Variants in FAM184A observed in about 807,000 individuals in gnomAD.
FAM184A encodes the protein family with sequence similarity 184 member A.
Under a neutral mutation model 143.8 loss-of-function variants are expected in FAM184A, and 99 were observed. That is an observed-to-expected ratio of 0.69 (90% CI 0.58 to 0.81). FAM184A has a LOEUF of 0.81. Among genes scored for constraint, FAM184A ranks in the 40% least tolerant of loss-of-function variants. FAM184A has a pLI of 0.00. For synonymous variants in FAM184A, 427 were observed against 446.4 expected (o/e 0.96, Z 0.55); for missense variants, 1,217 against 1,310.5 (o/e 0.93, Z 1.10).
At chr6:118,979,725 A>T (rs1783961649) in intron 10 of FAM184A, among the ~76,000 whole-genome samples, 1 of 152,164 alleles carries the variant, frequency 6.6e-6, no homozygotes, top group African/African-American at 2.4e-5. Flanking sequence ...TCATGAAACC[A>T]ATTTGATTCA....
chr6:118,964,717 T>C lies in FAM184A; in HGVS notation c.3088A>G (p.Lys1030Glu), dbSNP rs759566937. 1.9e-5 allele frequency: 31 copies of C among 1,610,404 alleles called. No individual in the cohort carries two copies. The highest frequency in any genetic ancestry group is 2.5e-5 in the Non-Finnish European group (29 of 1,177,520). Residue 1030 changes from lysine (K) to glutamate (E), a missense_variant, in exon 16 of 18, where the codon AAA becomes GAA. Physicochemically the swap from Lys to Glu is moderately conservative, Grantham distance 56. Transcript: ENST00000338891. ...ACAGTAGGACTTGAGTTAAACACTT[T>C]GTTGAAGTTAGTTTCTCGATTGACT... ...ELVNRETNFNKVFNSSPTVGV... is the reference protein window; with the variant it reads ...ELVNRETNFNEVFNSSPTVGV...
chr6:119,054,392 G>C (rs74613221), intron 1 of FAM184A, among the ~76,000 whole-genome samples: 2,910 of 152,294 alleles, frequency 0.019, 84 homozygotes, highest in African/African-American at 0.066. Context: ...ATCATCAGCA[G>C]ACTGGGTGGC....
At chr6:119,082,509 G>T (rs1272541409), upstream of FAM184A, among the ~76,000 whole-genome samples, 4 of 152,232 alleles carry the variant, frequency 2.6e-5, no homozygotes. Flanking sequence ...ATACAATGGG[G>T]GTTCAGGCAT....
intron 1 of FAM184A, among the ~76,000 whole-genome samples, chr6:119,032,668 G>A (rs1785935505): frequency 1.3e-5 from 2 of 151,650 alleles, no homozygotes; most frequent in Admixed American, 1.3e-4. Context: ...GGAGCAGGGA[G>A]GTGGAAAGGG....
In FAM184A at chr6:118,966,824, A is replaced by G. The variant is rs1333513899; in HGVS notation, c.3033+11T>C. ...TACTAACATGGTTAGACTAAAACCA[A>G]AATATCTTACAATTAGTTTCTTTAT... On this transcript the variant is annotated intron_variant, in intron 15 of 17. Transcript: ENST00000338891. The G allele has an allele frequency of 2.1e-6, 3 of 1,454,796 alleles. No individual in the cohort carries two copies. Among genetic ancestry groups the G allele is most frequent in the Middle Eastern group, 1.8e-4 (1 of 5,658 alleles). The allele number at this position is 1,454,796 out of a possible 1,614,324, so 90.1% of individuals were successfully genotyped here.
At chr6:119,084,956 C>A (rs1235478148) in intron 1 of FAM184A, among the ~76,000 whole-genome samples, 1 of 152,226 alleles carries the variant, frequency 6.6e-6, no homozygotes, top group Non-Finnish European at 1.5e-5. Flanking sequence ...CTGCACAGGG[C>A]AGCAGGGTCC....
intron 5 of FAM184A, among the ~76,000 whole-genome samples, 185 bp downstream of exon 5, chr6:119,016,562 G>A (rs906866630): frequency 8.6e-5 from 13 of 151,530 alleles, no homozygotes; most frequent in African/African-American, 2.2e-4. Context: ...AAGAAACTCC[G>A]AACACATCTG....
chr6:119,064,385 G>A (rs1787367222), intron 1 of FAM184A, among the ~76,000 whole-genome samples: 1 of 152,170 alleles, frequency 6.6e-6, no homozygotes, highest in South Asian at 2.1e-4. Flanking sequence ...GGACTGCATA[G>A]GACTTTCAGA....
intron 9 of FAM184A, among the ~76,000 whole-genome samples, chr6:118,992,521 G>A (rs764400131): frequency 4.6e-5 from 7 of 152,072 alleles, no homozygotes; most frequent in Non-Finnish European, 7.3e-5. Flanking sequence ...CTTTTACCAC[G>A]TGAGGACATA....
intron 1 of FAM184A, among the ~76,000 whole-genome samples, chr6:119,029,221 AG>A (rs1785779447): frequency 6.6e-6 from 1 of 152,236 alleles, no homozygotes; most frequent in African/African-American, 2.4e-5. Context: ...TCACATCATT[AG>A]CATTCTGTGC....
intron 9 of FAM184A, 102 bp from the exon 10 acceptor site, chr6:118,980,452 A>C (rs1215344522): frequency 1.3e-6 from 1 of 798,040 alleles, no homozygotes; most frequent in Non-Finnish European, 2.0e-6. Context: ...AATGATAGTA[A>C]AATAACTGCC....
intron 1 of FAM184A, among the ~76,000 whole-genome samples, chr6:119,042,668 T>C (rs1453711351): frequency 6.6e-6 from 1 of 152,234 alleles, no homozygotes. Flanking sequence ...CATGTCATTA[T>C]ACATTTGTCA....
chr6:119,016,100 T>TG (rs1442574985), intron 5 of FAM184A, among the ~76,000 whole-genome samples: 1 of 152,190 alleles, frequency 6.6e-6, no homozygotes, highest in Non-Finnish European at 1.5e-5. Context: ...AACCTGTGTG[T>TG]GAAACTCTGT....
At chr6:118,974,952 G>C (rs917069250) in intron 13 of FAM184A, 72 bp downstream of exon 13, 1 of 1,251,864 alleles carries the variant, frequency 8.0e-7, no homozygotes, top group Non-Finnish European at 1.1e-6. Context: ...AATTAGCATA[G>C]ATTACTAAAT....
At position 119,078,134 on chromosome 6, in the gene FAM184A, C is replaced by T. The variant is rs775662113; in HGVS notation, c.159+7G>A. 2.5e-6 allele frequency: 4 copies of T among 1,583,188 alleles called. No homozygotes were observed. The highest frequency in any genetic ancestry group is 2.3e-5 in the South Asian group (2 of 86,968). On this transcript the variant is annotated splice_region_variant and intron_variant, in intron 1 of 17. Transcript: ENST00000338891. This position sits in a 1 kb window ranked among gnomAD's most constrained non-coding sequence, Gnocchi z 5.5. ...GTCGCCACCTGCCCCGTCGCTGCCCCCCTTACCTTGGTGAGCTGGGCGATT... is the reference window on the plus strand; with the variant it reads ...GTCGCCACCTGCCCCGTCGCTGCCCTCCTTACCTTGGTGAGCTGGGCGATT...
intron 1 of FAM184A, among the ~76,000 whole-genome samples, chr6:119,062,194 T>G (rs1342243151): frequency 1.3e-5 from 2 of 152,082 alleles, no homozygotes; most frequent in African/African-American, 4.8e-5. Context: ...AGCCTCAGAG[T>G]TTTTTGGTAA....
chr6:119,022,877 CA>C, intron 3 of FAM184A, 67 bp downstream of exon 3: 3 of 1,593,128 alleles, frequency 1.9e-6, no homozygotes, highest in Non-Finnish European at 8.6e-7. Context: ...ACTCTGTCTC[CA>C]AAAAAATAAA....
chr6:119,136,532 A>T (rs75529904), intron 1 of FAM184A, among the ~76,000 whole-genome samples: 3,823 of 152,258 alleles, frequency 0.025, 117 homozygotes, highest in African/African-American at 0.074. Flanking sequence ...ACCAAATCCA[A>T]ATCTGACTAG....
rs1036669044 is a variant in FAM184A at position 118,993,727 on chromosome 6, C to T, written c.2088+9172G>A. On this transcript the variant is annotated intron_variant, in intron 9 of 17. Coordinates refer to ENST00000338891, the MANE Select transcript of FAM184A (RefSeq NM_024581.6). Reference sequence around the variant, plus strand: ...CTAAAAAGAAAACATATTATTTGTCCGGAAAATATAAATCTGAACACAGAA... The same window carrying T: ...CTAAAAAGAAAACATATTATTTGTCTGGAAAATATAAATCTGAACACAGAA... Among the ~76,000 whole-genome samples, 7 of 152,182 alleles carry T rather than the reference C, an allele frequency of 4.6e-5. No individual in the cohort carries two copies. In the East Asian group the frequency reaches 5.8e-4, roughly 13 times the overall value.
Sources: gnomAD v4.1 joint callset for allele counts (sites outside exome capture counted in the v4.1 genomes callset) on GRCh38, gnomAD v4.1.1 for gene constraint, Gnocchi (gnomAD v3.1) non-coding constraint, MANE v1.5 for transcripts, NCBI Gene and HGNC (gene_info 2026-07-23, HGNC 2026-07-21) for gene names.